ENTPD2: variants seen among roughly 807,000 people sequenced by gnomAD.
ENTPD2 encodes the protein ectonucleoside triphosphate diphosphohydrolase 2, also known as CD39 antigen-like 1.
ENTPD2 carries 48 observed loss-of-function variants against 46.8 expected under a neutral mutation model. That is an observed-to-expected ratio of 1.03 (90% confidence interval 0.81 to 1.30). The LOEUF is 1.30. Among genes scored for constraint, ENTPD2 ranks in the 50% most tolerant of loss-of-function variants. The pLI is 0.00. For synonymous variants in ENTPD2, 316 were observed against 286.1 expected, an observed-to-expected ratio of 1.10 and a Z score of -1.06; for missense variants, 707 against 651.1, an observed-to-expected ratio of 1.09 and a Z score of -0.93.
chr9:137,051,046 A>G lies in ENTPD2; in HGVS notation c.630T>C (p.Thr210=), dbSNP rs2131513445. ...CCTCAGCTGGACTGGTTGTCTCAAA[A>G]GTGATCTGGGTAGAGGCACCCCCCA... The part of the protein sequence containing the change: ...MDLGGASTQI[T]FETTSPAEDR... The change falls in exon 5 of 9, where the codon ACT becomes ACC. Residue 210 remains threonine (T), a synonymous_variant. Transcript: ENST00000355097. 6.2e-7 allele frequency: 1 copy of G among 1,612,912 alleles called. No individual in the cohort carries two copies. Among genetic ancestry groups the G allele is most frequent in the African/African-American group, 1.3e-5 (1 of 75,008 alleles).
chr9:137,050,541 G>A lies in ENTPD2; in HGVS notation c.775-3C>T, dbSNP rs1200586640. On this transcript the variant is annotated splice_region_variant and splice_polypyrimidine_tract_variant and intron_variant, in intron 5 of 8. Coordinates refer to ENST00000355097, the MANE Select transcript of ENTPD2 (RefSeq NM_203468.3). ...CAGCAGGGGTGGAAGCCGTGGGTCTGGGGGAATCACCAGCGTGACAGGGTG... is the reference window on the plus strand; with the variant it reads ...CAGCAGGGGTGGAAGCCGTGGGTCTAGGGGAATCACCAGCGTGACAGGGTG... The A allele has an allele frequency of 6.2e-7, 1 of 1,610,670 alleles. No homozygotes were observed.
intron 2 of ENTPD2, 38 bp downstream of exon 2, chr9:137,052,193 G>T: frequency 6.3e-7 from 1 of 1,586,238 alleles, no homozygotes. Flanking sequence ...AGACCCTGCA[G>T]TGAGTGGGCG....
chr9:137,049,334 G>A, intron 7 of ENTPD2: 3 of 692,188 alleles, frequency 4.3e-6, no homozygotes, highest in Non-Finnish European at 7.8e-6. Flanking sequence ...ATGGCCACCA[G>A]GGAGCAGGAG....
Position 137,049,035 on chromosome 9 carries a change from T to A in ENTPD2, c.1190A>T (p.Asp397Val). Residue 397 changes from aspartate (D) to valine (V), a missense_variant, in exon 8 of 9, where the codon GAC becomes GTC. By Grantham distance (152) the Asp-to-Val change is radical. Coordinates refer to ENST00000355097, the MANE Select transcript of ENTPD2 (RefSeq NM_203468.3). ...RVPGQRARLA[D>V]YCAGAMFVQQ... is the part of the protein sequence containing the mutation. ...CACGAACATGGCCCCGGCGCAGTAG[T>A]CGGCCAGGCGGGCCCGTTGCCCTGG... 1.3e-6 allele frequency: 2 copies of A among 1,535,814 alleles called. No individual in the cohort carries two copies. The highest frequency in any genetic ancestry group is 1.7e-6 in the Non-Finnish European group (2 of 1,145,270).
intron 7 of ENTPD2, 154 bp downstream of exon 7, chr9:137,049,716 C>A: frequency 1.1e-6 from 1 of 882,656 alleles, no homozygotes; most frequent in Non-Finnish European, 1.7e-6. Flanking sequence ...CTACCGGCCA[C>A]AGCCACGCCA....
rs997771365 is a variant in ENTPD2, at chr9:137,051,320, G to A, written c.437C>T (p.Thr146Ile). ...STSVLMAVTHTLTQYPFDFRG... is the reference protein window; with the variant it reads ...STSVLMAVTHILTQYPFDFRG... Reference sequence around the variant, plus strand: ...GAAGTCAAAGGGGTACTGGGTCAGTGTGTGAGTCACTGCCATGAGCACACT... The same window carrying A: ...GAAGTCAAAGGGGTACTGGGTCAGTATGTGAGTCACTGCCATGAGCACACT... Residue 146 changes from threonine (T) to isoleucine (I), a missense_variant, in exon 4 of 9, where the codon ACA (threonine) becomes ATA (isoleucine). Transcript: ENST00000355097. 4 of 1,595,822 alleles carry A rather than the reference G, an allele frequency of 2.5e-6. No homozygotes were observed. The highest frequency in any genetic ancestry group is 1.3e-5 in the African/African-American group (1 of 74,712).
At position 137,050,469 on chromosome 9, in the gene ENTPD2, A is replaced by G; in HGVS notation, c.844T>C (p.Ser282Pro). 6.2e-7 allele frequency: 1 copy of G among 1,612,842 alleles called. No homozygotes were observed. The highest frequency in any genetic ancestry group is 8.5e-7 in the Non-Finnish European group (1 of 1,179,990). ...TQVLLGDVYQ[S>P]PCTMAQRPQN... ...GGCCGCTGGGCCATGGTGCATGGTGACTGGTACACATCCCCGAGCAGCACT... is the reference window on the plus strand; with the variant it reads ...GGCCGCTGGGCCATGGTGCATGGTGGCTGGTACACATCCCCGAGCAGCACT... The change falls in exon 6 of 9, where the codon TCA becomes CCA. Residue 282 changes from serine to proline, a missense_variant. Coordinates refer to ENST00000355097, the MANE Select transcript of ENTPD2 (RefSeq NM_203468.3).
Position 137,051,661 on chromosome 9 carries a change from C to G in ENTPD2, c.236-1G>C. On this transcript the variant is annotated splice_acceptor_variant, in intron 2 of 8. Transcript: ENST00000355097. LOFTEE classifies it high-confidence loss of function. ...TCTGCATAGCTGGAGATGCCCCCAC[C>G]TAGAGGGAGGCAGAGAGATGAGCCT... 1 of 1,607,976 alleles carries G rather than the reference C, an allele frequency of 6.2e-7. No homozygotes were observed.
intron 4 of ENTPD2, 25 bp downstream of exon 4, chr9:137,051,186 C>G: frequency 6.2e-7 from 1 of 1,611,948 alleles, no homozygotes; most frequent in Non-Finnish European, 8.5e-7. Context: ...CGCCCCCTGG[C>G]TCTTTGGCTG....
chr9:137,050,870 T>C, intron 5 of ENTPD2, 32 bp downstream of exon 5: 1 of 1,596,714 alleles, frequency 6.3e-7, no homozygotes, highest in Non-Finnish European at 8.5e-7. Context: ...GAGGGAACAG[T>C]GCAGTGCAGG....
intron 2 of ENTPD2, 133 bp downstream of exon 2, chr9:137,052,097 CT>C (rs1832309665): frequency 1.3e-6 from 1 of 793,168 alleles, no homozygotes; most frequent in East Asian, 2.5e-5. Flanking sequence ...ACCAGCCTCT[CT>C]CTTTCCAGGG....
rs1832354109 is a variant in ENTPD2, at chr9:137,053,975, A to G, written c.23T>C (p.Leu8Pro). 8.3e-7 allele frequency: 1 copy of G among 1,207,388 alleles called. No homozygotes were observed. The highest frequency in any genetic ancestry group is 4.1e-5 in the South Asian group (1 of 24,290). The allele number at this position is 1,207,388 out of a possible 1,614,324, so 74.8% of individuals were successfully genotyped here. The change falls in exon 1 of 9, where the codon CTG (leucine) becomes CCG (proline). Residue 8 changes from leucine to proline, a missense_variant. Transcript: ENST00000355097. ...GGCGGCCAGCAGCAGCGGCGGCAGC[A>G]GTGACCGCACCTTCCCGGCCATGGG... MAGKVRS[L>P]LPPLLLAAAG...
In ENTPD2 at chr9:137,049,026, GCGCAGTAGTCGGCCAGGCGGGCC is replaced by G. The variant is rs765013535; in HGVS notation, c.1176_1198del (p.Ala393ArgfsTer238). ...CAGCTGCTGCACGAACATGGCCCCG[GCGCAGTAGTCGGCCAGGCGGGCC>G]CGTTGCCCTGGCACCCGAGCTTGCA... On this transcript the variant is annotated frameshift_variant, in exon 8 of 9. Coordinates refer to ENST00000355097, the MANE Select transcript of ENTPD2 (RefSeq NM_203468.3). LOFTEE classifies it high-confidence loss of function. 10 of 1,536,762 alleles carry G rather than the reference GCGCAGTAGTCGGCCAGGCGGGCC, an allele frequency of 6.5e-6. No homozygotes were observed. In the Admixed American group the frequency reaches 2.0e-4, roughly 30 times the overall value.
Position 137,048,974 on chromosome 9 carries a change from C to CTCG in ENTPD2, c.1248_1250dup (p.Asp416dup). On this transcript the variant is annotated inframe_insertion, in exon 8 of 9. Transcript: ENST00000355097. ...GGAAGATCACGCCGCCGAAGGCGCGCTCGTCGAAGCCGTAGCCGCGACTCA... is the reference window on the plus strand; with the variant it reads ...GGAAGATCACGCCGCCGAAGGCGCGCTCGTCGTCGAAGCCGTAGCCGCGACTCA... The CTCG allele has an allele frequency of 6.5e-7, 1 of 1,534,482 alleles. No individual in the cohort carries two copies.
intron 1 of ENTPD2, chr9:137,052,984 A>G (rs1832332084): frequency 6.6e-6 from 1 of 152,198 alleles, no homozygotes; most frequent in Non-Finnish European, 1.5e-5. Context: ...CCTGAGTGGC[A>G]CGAGCTTGTA....
Position 137,048,649 on chromosome 9 carries a change from G to T in ENTPD2, c.*8C>A. The T allele has an allele frequency of 1.3e-6, 2 of 1,567,416 alleles. No individual in the cohort carries two copies. Among genetic ancestry groups the T allele is most frequent in the South Asian group, 1.2e-5 (1 of 85,762 alleles). On this transcript the variant is annotated 3_prime_UTR_variant, in exon 9 of 9. Transcript: ENST00000355097. ...GGGGAGGGATGGGGCAGCTGCCCCCGTCGGCCCCTAAATGGTGCTTGGCAG... is the reference window on the plus strand; with the variant it reads ...GGGGAGGGATGGGGCAGCTGCCCCCTTCGGCCCCTAAATGGTGCTTGGCAG...
Position 137,052,319 on chromosome 9 carries a change from T to C in ENTPD2, c.147A>G (p.Ser49=), listed in dbSNP as rs1832314525. 3.1e-6 allele frequency: 5 copies of C among 1,602,156 alleles called. No homozygotes were observed. Among genetic ancestry groups the C allele is most frequent in the Non-Finnish European group, 2.5e-6 (3 of 1,176,532 alleles). Residue 49 remains serine, a synonymous_variant, in exon 2 of 9, where the codon TCA becomes TCG. Transcript: ENST00000355097. ...KYGIVLDAGS[S]HTSMFIYKWP... is the part of the protein sequence containing the mutation. ...ACTTGTAGATAAACATGGACGTGTG[T>C]GAAGAACCAGCGTCCAGGACGATGC...
chr9:137,049,142 G>C, intron 7 of ENTPD2, 67 bp from the exon 8 acceptor site: 1 of 1,532,914 alleles, frequency 6.5e-7, no homozygotes. Flanking sequence ...CGGGGAGAGG[G>C]GGCCGGCGGC....
Position 137,049,880 on chromosome 9 carries a change from G to A in ENTPD2, c.1139C>T (p.Thr380Ile), listed in dbSNP as rs758852994. Residue 380 changes from threonine (T) to isoleucine (I), a missense_variant, in exon 7 of 9, where the codon ACC becomes ATC. Physicochemically the swap from Thr to Ile is moderately conservative, Grantham distance 89. Coordinates refer to ENST00000355097, the MANE Select transcript of ENTPD2 (RefSeq NM_203468.3). ...EAAAVNVCNQTWAQLQARVPG... is the reference protein window; with the variant it reads ...EAAAVNVCNQIWAQLQARVPG... ...GGGAGCGGGGCTCACCTGAGCCCAGGTCTGGTTGCAGACATTCACTGCGGC... is the reference window on the plus strand; with the variant it reads ...GGGAGCGGGGCTCACCTGAGCCCAGATCTGGTTGCAGACATTCACTGCGGC... 1.9e-6 allele frequency: 3 copies of A among 1,611,380 alleles called. No homozygotes were observed. The highest frequency in any genetic ancestry group is 1.3e-5 in the African/African-American group (1 of 75,036).
Sources: gnomAD v4.1 joint callset for allele counts on GRCh38, gnomAD v4.1.1 for gene constraint, MANE v1.5 for transcripts, NCBI Gene and HGNC (gene_info 2026-07-23, HGNC 2026-07-21) for gene names.